OPCML: variants seen among roughly 807,000 people sequenced by gnomAD.
OPCML encodes the protein opioid binding protein/cell adhesion molecule like.
OPCML carries 13 observed loss-of-function variants against 37.8 expected under a neutral mutation model. The ratio of observed to expected loss-of-function variants is 0.34; its 90% CI spans 0.22 to 0.55. The LOEUF (loss-of-function observed/expected upper bound fraction) is 0.55, where lower values mean the gene tolerates loss of function less well. Ranked by LOEUF, OPCML falls within the 20% of genes least tolerant of loss-of-function variation. The probability of loss-of-function intolerance (pLI) is 0.91; values close to 1 mark genes in which losing one functional copy is unlikely to be tolerated. For synonymous variants in OPCML, 176 were observed against 168.8 expected, an observed-to-expected ratio of 1.04 and a Z score of -0.33; for missense variants, 341 against 435.6, an observed-to-expected ratio of 0.78 and a Z score of 1.93.
intron 2 of OPCML, among the ~76,000 whole-genome samples, chr11:132,731,886 T>C (rs1274211209): frequency 1.3e-5 from 2 of 151,924 alleles, no homozygotes; most frequent in African/African-American, 4.8e-5. Context: ...TAAATAGAGG[T>C]AGAAGTAGTA....
At chr11:133,413,428 T>A (rs999168100) in intron 1 of OPCML, among the ~76,000 whole-genome samples, 1 of 151,722 alleles carries the variant, frequency 6.6e-6, no homozygotes, top group Non-Finnish European at 1.5e-5. Context: ...TGTATACATA[T>A]GTAACTAACC....
At chr11:132,538,597 A>G (rs957008397) in intron 3 of OPCML, among the ~76,000 whole-genome samples, 2 of 152,224 alleles carry the variant, frequency 1.3e-5, no homozygotes, top group Non-Finnish European at 2.9e-5. Context: ...AAAAACATCA[A>G]TCACGGCCAA....
intron 1 of OPCML, among the ~76,000 whole-genome samples, chr11:133,197,559 G>T (rs567730815): frequency 6.6e-6 from 1 of 152,266 alleles, no homozygotes; most frequent in South Asian, 2.1e-4. Context: ...TAGATAATAA[G>T]CCACTTGCTC....
rs372515028 is a variant in OPCML at position 133,392,772 on chromosome 11, T to C, written c.61+139492A>G. ...TCTTAGCAGTCCATACATTGCAAAATGTGCCCATGGCTCCTGAAGTACAGT... is the reference window on the plus strand; with the variant it reads ...TCTTAGCAGTCCATACATTGCAAAACGTGCCCATGGCTCCTGAAGTACAGT... On this transcript the variant is annotated intron_variant, in intron 1 of 7. Transcript: ENST00000524381. 1.2e-4 allele frequency among the ~76,000 whole-genome samples: 19 copies of C among 152,358 alleles called. No individual in the cohort carries two copies. The South Asian group carries it at 3.9e-3, about 32-fold the overall frequency.
chr11:132,942,664 C>T (rs995999119), intron 2 of OPCML, among the ~76,000 whole-genome samples: 3 of 152,182 alleles, frequency 2.0e-5, no homozygotes, highest in Non-Finnish European at 4.4e-5. Flanking sequence ...TCTAGCCTGT[C>T]GTGGCTTCAA....
chr11:133,075,027 A>G lies in OPCML; in HGVS notation c.62-132017T>C, dbSNP rs115059113. ...ACTGGGGGACAGGAGGGCAGAGAGC[A>G]GAAAGAAGGAAAGTGTGCGTGCAGT... is the stretch of plus-strand genomic sequence containing the variant. On this transcript the variant is annotated intron_variant, in intron 1 of 7. Transcript: ENST00000524381. Among the ~76,000 whole-genome samples the G allele has an allele frequency of 1.5e-3, 229 of 152,294 alleles. 1 individual carries two copies. The highest frequency in any genetic ancestry group is 5.0e-3 in the African/African-American group (209 of 41,568).
At chr11:133,157,065 A>C (rs965830330) in intron 1 of OPCML, among the ~76,000 whole-genome samples, 4 of 152,032 alleles carry the variant, frequency 2.6e-5, no homozygotes, top group Non-Finnish European at 5.9e-5. Context: ...CTACATTTGC[A>C]CATTTGCATT....
At chr11:132,883,970 A>T (rs955515764) in intron 2 of OPCML, among the ~76,000 whole-genome samples, 2 of 152,174 alleles carry the variant, frequency 1.3e-5, no homozygotes, top group African/African-American at 4.8e-5. Flanking sequence ...GGTGAGTTTG[A>T]GATGATGGTG....
At chr11:133,110,622 A>G (rs2137091416) in intron 1 of OPCML, among the ~76,000 whole-genome samples, 1 of 152,226 alleles carries the variant, frequency 6.6e-6, no homozygotes, top group Middle Eastern at 3.4e-3. Flanking sequence ...CGTGACTGGG[A>G]GCAAGTGCAT....
In OPCML at chr11:132,690,687, C is replaced by T. The variant is rs375096320; in HGVS notation, c.147-33368G>A. Among the ~76,000 whole-genome samples, 104 of 152,224 alleles carry T rather than the reference C, an allele frequency of 6.8e-4. 1 individual carries two copies. Among genetic ancestry groups the T allele is most frequent in the African/African-American group, 1.7e-3 (70 of 41,552 alleles). On this transcript the variant is annotated intron_variant, in intron 2 of 7. Coordinates refer to ENST00000524381, the MANE Select transcript of OPCML (RefSeq NM_001012393.5). ...GAGTGTGTACGTGTGTGTGCTCATG[C>T]GTGTGTGCCTGCACAGGCATAGCAG...
intron 1 of OPCML, among the ~76,000 whole-genome samples, chr11:133,103,352 A>G (rs1421164084): frequency 1.3e-5 from 2 of 152,208 alleles, no homozygotes; most frequent in Non-Finnish European, 2.9e-5. Context: ...GATTAAATCA[A>G]AAATAAAATC....
At chr11:132,660,640 C>A (rs1565755137) in intron 2 of OPCML, among the ~76,000 whole-genome samples, 1 of 152,050 alleles carries the variant, frequency 6.6e-6, no homozygotes, top group African/African-American at 2.4e-5. Flanking sequence ...ATCACCGAGC[C>A]CTCTGTTAGG....
At position 133,509,521 on chromosome 11, in the gene OPCML, C is replaced by T. The variant is rs1948108380; in HGVS notation, c.61+22743G>A. ...GTCTTTGCTAGTAAGCTCAGCCCTT[C>T]TGCAACTTGGCGGTGGTGGCAATGC... is the stretch of plus-strand genomic sequence containing the variant. On this transcript the variant is annotated intron_variant, in intron 1 of 7. Transcript: ENST00000524381. 5.3e-5 allele frequency among the ~76,000 whole-genome samples: 8 copies of T among 152,190 alleles called. No homozygotes were observed. In the South Asian group the frequency reaches 1.7e-3, roughly 31 times the overall value.
intron 1 of OPCML, among the ~76,000 whole-genome samples, chr11:133,501,735 C>A (rs1340185735): frequency 2.1e-5 from 2 of 93,952 alleles, no homozygotes; most frequent in East Asian, 5.2e-4. Context: ...GTGACCAAGA[C>A]CCCCCACCCC....
intron 1 of OPCML, among the ~76,000 whole-genome samples, chr11:133,343,557 A>G (rs2136675751): frequency 6.6e-6 from 1 of 152,236 alleles, no homozygotes. Context: ...GTGAGAGGGA[A>G]CTTTTTTTCT....
At chr11:133,133,633 C>G (rs541415973) in intron 1 of OPCML, among the ~76,000 whole-genome samples, 2 of 152,246 alleles carry the variant, frequency 1.3e-5, no homozygotes, top group South Asian at 4.1e-4. Flanking sequence ...CCTTGAGCAG[C>G]AACTACAGAA....
intron 2 of OPCML, among the ~76,000 whole-genome samples, chr11:132,699,492 T>C (rs1943727219): frequency 6.6e-6 from 1 of 152,110 alleles, no homozygotes; most frequent in South Asian, 2.1e-4. Flanking sequence ...ACTTGTCATA[T>C]ATGGACTTTA....
chr11:133,203,914 C>T (rs1938914015), intron 1 of OPCML, among the ~76,000 whole-genome samples: 1 of 151,654 alleles, frequency 6.6e-6, no homozygotes, highest in African/African-American at 2.4e-5. Flanking sequence ...GAAAATTAGC[C>T]AGGCATGGTG....
chr11:132,999,229 A>G lies in OPCML; in HGVS notation c.62-56219T>C, dbSNP rs147272802. On this transcript the variant is annotated intron_variant, in intron 1 of 7. Transcript: ENST00000524381. ...AGGAATTCGTGTCTCTAAACCTACT[A>G]TCATTTCTCTTTCAGATCTCACCCT... 3.5e-3 allele frequency among the ~76,000 whole-genome samples: 540 copies of G among 152,144 alleles called. 2 individuals are homozygous for G. Among genetic ancestry groups the G allele is most frequent in the African/African-American group, 0.012 (516 of 41,502 alleles).
Sources: gnomAD v4.1 joint callset for allele counts (sites outside exome capture counted in the v4.1 genomes callset) on GRCh38, gnomAD v4.1.1 for gene constraint, MANE v1.5 for transcripts, NCBI Gene and HGNC (gene_info 2026-07-23, HGNC 2026-07-21) for gene names.